The following MAP4K3 variants were observed in gnomAD, a reference collection of about 807,000 sequenced individuals.
MAP4K3 encodes MAPK/ERK kinase kinase kinase 3.
MAP4K3 carries 94 observed loss-of-function variants against 143.5 expected under a neutral mutation model. That is an observed-to-expected ratio of 0.65 (90% CI 0.55 to 0.78). The LOEUF (loss-of-function observed/expected upper bound fraction) is 0.78. Ranked by LOEUF, MAP4K3 falls within the 30% of genes least tolerant of loss-of-function variation. The pLI is 0.00. For synonymous variants in MAP4K3, 416 were observed against 347.2 expected (o/e 1.20, Z -2.20); for missense variants, 1,077 against 1,068.1 (o/e 1.01, Z -0.12).
intron 2 of MAP4K3, among the ~76,000 whole-genome samples, chr2:39,362,105 G>GA (rs1665787677): frequency 6.6e-6 from 1 of 151,796 alleles, no homozygotes; most frequent in Non-Finnish European, 1.5e-5. Flanking sequence ...AAATTCACCT[G>GA]AAAAAAATAA....
At chr2:39,420,079 C>T (rs898197020) in intron 1 of MAP4K3, among the ~76,000 whole-genome samples, 1 of 152,174 alleles carries the variant, frequency 6.6e-6, no homozygotes, top group Non-Finnish European at 1.5e-5. Context: ...ACCCCCTGGC[C>T]TAGGGTCAGA....
intron 12 of MAP4K3, among the ~76,000 whole-genome samples, chr2:39,325,005 C>A (rs565562109): frequency 6.6e-5 from 10 of 151,968 alleles, no homozygotes; most frequent in African/African-American, 2.4e-4. Context: ...AAGATAGAAA[C>A]GGGGTCTTGC....
At chr2:39,342,108 GTATTAT>G (rs113261872) in intron 4 of MAP4K3, among the ~76,000 whole-genome samples, 4,021 of 143,106 alleles carry the variant, frequency 0.028, 80 homozygotes, top group African/African-American at 0.04. Context: ...TGTCTTTCTA[GTATTAT>G]TATTATTATT....
intron 1 of MAP4K3, among the ~76,000 whole-genome samples, chr2:39,386,530 T>C (rs1026562241): frequency 6.6e-6 from 1 of 152,222 alleles, no homozygotes; most frequent in Non-Finnish European, 1.5e-5. Flanking sequence ...AAAAGTTTTA[T>C]GTTTTTACAT....
chr2:39,260,685 A>C lies in MAP4K3; in HGVS notation c.2229T>G (p.Ser743Arg), dbSNP rs545435479. The C allele has an allele frequency of 7.2e-5, 116 of 1,613,934 alleles. No homozygotes were observed. The South Asian group carries it at 1.1e-3, about 16-fold the overall frequency. ...QEYPLVCVGV[S>R]RGRDFNQVVR... is the part of the protein sequence containing the mutation. ...CCACTTGGTTGAAGTCTCTACCTCT[A>C]CTGACACCAACACAAACTAAAGGGT... The change falls in exon 29 of 34, where the codon AGT (serine) becomes AGG (arginine). Residue 743 changes from serine (S) to arginine (R), a missense_variant. Coordinates refer to ENST00000263881, the MANE Select transcript of MAP4K3 (RefSeq NM_003618.4).
intron 27 of MAP4K3, among the ~76,000 whole-genome samples, chr2:39,266,554 A>G (rs1037358684): frequency 7.3e-5 from 11 of 150,528 alleles, no homozygotes; most frequent in African/African-American, 1.7e-4. Context: ...CTCTCCATCT[A>G]TTCAGTTCAA....
chr2:39,400,137 C>T (rs564908556), intron 1 of MAP4K3, among the ~76,000 whole-genome samples: 1 of 152,200 alleles, frequency 6.6e-6, no homozygotes, highest in Non-Finnish European at 1.5e-5. Context: ...TCGCAACTGC[C>T]CAAGGGAGAA....
chr2:39,344,945 C>A (rs1665243455), intron 3 of MAP4K3, among the ~76,000 whole-genome samples: 1 of 152,150 alleles, frequency 6.6e-6, no homozygotes, highest in African/African-American at 2.4e-5. Flanking sequence ...TGAAACAATC[C>A]TATGTTTACT....
intron 32 of MAP4K3, among the ~76,000 whole-genome samples, chr2:39,252,954 T>C (rs922539851): frequency 1.3e-5 from 2 of 150,744 alleles, no homozygotes; most frequent in South Asian, 2.1e-4. Flanking sequence ...AGGTGACTTT[T>C]TGGGTGAACT....
At chr2:39,278,676 A>G (rs532670919) in intron 23 of MAP4K3, among the ~76,000 whole-genome samples, 190 bp from the exon 24 acceptor site, 70 of 152,336 alleles carry the variant, frequency 4.6e-4, no homozygotes, top group Admixed American at 8.5e-4. Flanking sequence ...CATTAGCCTC[A>G]AAGCAGTGAA....
At chr2:39,313,960 A>G (rs1448899670) in intron 13 of MAP4K3, among the ~76,000 whole-genome samples, 2 of 152,246 alleles carry the variant, frequency 1.3e-5, no homozygotes, top group Non-Finnish European at 2.9e-5. Flanking sequence ...AACAAGAAAG[A>G]GAGTACTTTA....
rs1468340513 is a variant in MAP4K3 at position 39,377,968 on chromosome 2, G to T, written c.154+98C>A. The T allele has an allele frequency of 1.0e-5, 8 of 767,120 alleles. No individual in the cohort carries two copies. In the African/African-American group the frequency reaches 1.3e-4, roughly 12 times the overall value. 47.5% of individuals were successfully genotyped at this position (767,120 alleles called of 1,614,324 possible). On this transcript the variant is annotated intron_variant, in intron 2 of 33. Coordinates refer to ENST00000263881, the MANE Select transcript of MAP4K3 (RefSeq NM_003618.4). ...CAGCTCTATTTATCCCAGATGTTGG[G>T]GAAAACAAGAGAATGTTAACCAAAC...
chr2:39,405,895 G>C (rs1049998731), intron 1 of MAP4K3, among the ~76,000 whole-genome samples: 1 of 151,804 alleles, frequency 6.6e-6, no homozygotes, highest in Non-Finnish European at 1.5e-5. Context: ...AAATAAAAAA[G>C]ACACCAGGGG....
intron 14 of MAP4K3, among the ~76,000 whole-genome samples, 183 bp from the exon 15 acceptor site, chr2:39,308,188 A>C (rs1682788846): frequency 6.6e-6 from 1 of 152,348 alleles, no homozygotes. Context: ...TTGCTCTAAA[A>C]TGCAGTTACT....
intron 1 of MAP4K3, among the ~76,000 whole-genome samples, chr2:39,435,035 C>G (rs1235513055): frequency 6.6e-6 from 1 of 152,112 alleles, no homozygotes; most frequent in Admixed American, 6.5e-5. Flanking sequence ...TAAAAAAATT[C>G]ACTGTATACC....
intron 2 of MAP4K3, among the ~76,000 whole-genome samples, chr2:39,358,396 A>C (rs2148555519): frequency 6.6e-6 from 1 of 152,346 alleles, no homozygotes; most frequent in South Asian, 2.1e-4. Context: ...CCTTTCTATG[A>C]TGACTGTAAA....
chr2:39,426,794 A>G (rs1415603491), intron 1 of MAP4K3, among the ~76,000 whole-genome samples: 3 of 152,086 alleles, frequency 2.0e-5, no homozygotes, highest in Non-Finnish European at 2.9e-5. Flanking sequence ...AAAGATAAGA[A>G]CCATAATACA....
chr2:39,323,420 T>C (rs1304112886), intron 12 of MAP4K3: 5 of 152,224 alleles, frequency 3.3e-5, no homozygotes. Context: ...AACAATCATG[T>C]AGCATTTAGT....
intron 1 of MAP4K3, among the ~76,000 whole-genome samples, chr2:39,419,272 G>A (rs573255430): frequency 6.6e-6 from 1 of 151,872 alleles, no homozygotes; most frequent in South Asian, 2.1e-4. Flanking sequence ...TTTACTGCCA[G>A]ACAAAATAAG....
Sources: allele counts gnomAD v4.1 joint callset (sites outside exome capture counted in the v4.1 genomes callset), GRCh38; gene constraint gnomAD v4.1.1; transcripts MANE v1.5; gene names NCBI Gene and HGNC (gene_info 2026-07-23, HGNC 2026-07-21).